Variants in ANK1 observed in about 807,000 individuals in gnomAD.
The protein encoded by ANK1 is ankyrin-1.
A neutral mutation model predicts 210.4 loss-of-function variants in ANK1; 51 were observed. The observed-to-expected ratio is 0.24, with a 90% CI of 0.19 to 0.31. The LOEUF (loss-of-function observed/expected upper bound fraction) is 0.31. ANK1 is among the 10% of genes least tolerant of loss of function. ANK1 has a pLI of 1.00. For missense variants in ANK1, 2,051 were observed against 2,504.4 expected, an observed-to-expected ratio of 0.82 and a Z score of 3.86; for synonymous variants, 967 against 1,025.9, an observed-to-expected ratio of 0.94 and a Z score of 1.10.
chr8:41,660,658 TCA>T, intron 42 of ANK1: 2 of 418,790 alleles, frequency 4.8e-6, no homozygotes, highest in Non-Finnish European at 9.5e-6. Flanking sequence ...TGCCCCATGC[TCA>T]CACACATGCA....
intron 1 of ANK1, among the ~76,000 whole-genome samples, chr8:41,802,723 A>G (rs772258138): frequency 1.5e-4 from 23 of 152,110 alleles, no homozygotes; most frequent in Middle Eastern, 3.4e-3. Context: ...CACTCGGGCA[A>G]CATGGCAAAA....
chr8:41,894,070 G>A (rs1819969751), intron 1 of ANK1, among the ~76,000 whole-genome samples: 1 of 152,000 alleles, frequency 6.6e-6, no homozygotes, highest in Admixed American at 6.6e-5. Flanking sequence ...TCTCTGAGAT[G>A]ACCCTCAAGA....
intron 42 of ANK1, among the ~76,000 whole-genome samples, chr8:41,659,704 C>A (rs1475730756): frequency 6.7e-6 from 1 of 149,422 alleles, no homozygotes; most frequent in Admixed American, 6.7e-5. Flanking sequence ...CACCGCCCCA[C>A]CCCCCTGCCA....
chr8:41,870,201 A>G (rs926183116), intron 1 of ANK1, among the ~76,000 whole-genome samples: 1 of 152,150 alleles, frequency 6.6e-6, no homozygotes, highest in African/African-American at 2.4e-5. Context: ...AGAGAACGCC[A>G]GTCTTTACCA....
intron 38 of ANK1, among the ~76,000 whole-genome samples, 185 bp downstream of exon 38, chr8:41,672,169 G>A (rs151179203): frequency 6.6e-6 from 1 of 152,344 alleles, no homozygotes; most frequent in African/African-American, 2.4e-5. Context: ...GGGAGGCACT[G>A]GCTTTTGCAG....
At chr8:41,755,628 C>T (rs1563676557) in intron 2 of ANK1, among the ~76,000 whole-genome samples, 1 of 152,204 alleles carries the variant, frequency 6.6e-6, no homozygotes, top group Non-Finnish European at 1.5e-5. Context: ...AACACAGCTG[C>T]AGCCTGTGCA....
At chr8:41,760,419 A>C (rs1840136687) in intron 1 of ANK1, among the ~76,000 whole-genome samples, 1 of 152,130 alleles carries the variant, frequency 6.6e-6, no homozygotes, top group Admixed American at 6.5e-5. Context: ...CTCTTCCTTC[A>C]TCTTCTGCCA....
At chr8:41,733,380 A>G (rs973290746) in intron 3 of ANK1, among the ~76,000 whole-genome samples, 7 of 152,268 alleles carry the variant, frequency 4.6e-5, no homozygotes, top group South Asian at 4.1e-4. Flanking sequence ...CAGTAACAAC[A>G]TGGTCACTAG....
intron 10 of ANK1, 83 bp from the exon 11 acceptor site, chr8:41,718,287 T>G: frequency 1.4e-6 from 2 of 1,391,954 alleles, no homozygotes; most frequent in Non-Finnish European, 2.0e-6. Context: ...CTGGCTGCTC[T>G]AAAAGGCAGC....
At chr8:41,894,823 T>G (rs1192078059) in intron 1 of ANK1, among the ~76,000 whole-genome samples, 1 of 151,182 alleles carries the variant, frequency 6.6e-6, no homozygotes, top group Non-Finnish European at 1.5e-5. Flanking sequence ...TCTGGTATTT[T>G]AGACCCCAGC....
intron 42 of ANK1, among the ~76,000 whole-genome samples, chr8:41,658,498 A>T (rs1171661728): frequency 6.6e-6 from 1 of 152,228 alleles, no homozygotes; most frequent in East Asian, 1.9e-4. Flanking sequence ...AGGCCATACA[A>T]CCTGGAAGCA....
At chr8:41,864,243 C>T (rs113388862) in intron 1 of ANK1, among the ~76,000 whole-genome samples, 1 of 125,398 alleles carries the variant, frequency 8.0e-6, no homozygotes, top group African/African-American at 3.2e-5. Context: ...GAGTGAGACT[C>T]TGTCTCAAAA....
rs1585952539 is a variant in ANK1 at position 41,674,202 on chromosome 8, T to C, written c.4538-1290A>G. On this transcript the variant is annotated intron_variant, in intron 37 of 42. Coordinates refer to ENST00000289734, the MANE Select transcript of ANK1 (RefSeq NM_000037.4). Reference sequence around the variant, plus strand: ...CCCTGCTTTTACATCACTAGCTCCATTTATTCTCATCCACTCACTGTTCAA... The same window carrying C: ...CCCTGCTTTTACATCACTAGCTCCACTTATTCTCATCCACTCACTGTTCAA... 2.0e-5 allele frequency among the ~76,000 whole-genome samples: 3 copies of C among 152,296 alleles called. No homozygotes were observed. The South Asian group carries it at 6.2e-4, about 32-fold the overall frequency.
At chr8:41,692,522 A>G in intron 31 of ANK1, 126 bp downstream of exon 31, 2 of 956,418 alleles carry the variant, frequency 2.1e-6, no homozygotes, top group Admixed American at 3.8e-5. Flanking sequence ...GGGGTCTCAA[A>G]GACAGACAGC....
Position 41,706,238 on chromosome 8 carries a change from C to T in ANK1, c.2002G>A (p.Gly668Arg), listed in dbSNP as rs182432615. The T allele has an allele frequency of 2.5e-6, 4 of 1,613,942 alleles. No homozygotes were observed. Among genetic ancestry groups the T allele is most frequent in the East Asian group, 2.2e-5 (1 of 44,882 alleles). Reference sequence around the variant, plus strand: ...GCTACCAGATGGAGGGGAGTGAGTCCGCTCTGCAAAGAAAAAGACGTTCAT... The same window carrying T: ...GCTACCAGATGGAGGGGAGTGAGTCTGCTCTGCAAAGAAAAAGACGTTCAT... ...QANGNLGNKS[G>R]LTPLHLVAQE... The change falls in exon 18 of 43, where the codon GGA (glycine) becomes AGA (arginine). Residue 668 changes from glycine (G) to arginine (R), a missense_variant. Transcript: ENST00000289734.
chr8:41,692,735 G>C lies in ANK1; in HGVS notation c.3771C>G (p.Arg1257=), dbSNP rs756449423. 1 of 1,614,112 alleles carries C rather than the reference G, an allele frequency of 6.2e-7. No homozygotes were observed. Among genetic ancestry groups the C allele is most frequent in the East Asian group, 2.2e-5 (1 of 44,868 alleles). The change falls in exon 31 of 43, where the codon CGC becomes CGG. Residue 1257 remains arginine, a synonymous_variant. Coordinates refer to ENST00000289734, the MANE Select transcript of ANK1 (RefSeq NM_000037.4). ...KMNDPREGRL[R]CYCMTDDKVD... ...CTTTATCATCTGTCATGCAGTAGCA[G>C]CGCAGGCGCCCCTCTCGGGGGTCAT... is the stretch of plus-strand genomic sequence containing the variant.
chr8:41,801,986 T>C (rs1046784620), upstream of ANK1, among the ~76,000 whole-genome samples: 4 of 152,176 alleles, frequency 2.6e-5, no homozygotes, highest in African/African-American at 9.7e-5. Context: ...TTTTGTTTTG[T>C]TTTGTTTTGT....
At chr8:41,662,734 C>G (rs926221880) in intron 40 of ANK1, among the ~76,000 whole-genome samples, 1 of 152,156 alleles carries the variant, frequency 6.6e-6, no homozygotes. Context: ...GGAGGCAAGA[C>G]AGACGCACAA....
At chr8:41,893,103 C>A (rs1166998664) in intron 1 of ANK1, among the ~76,000 whole-genome samples, 2 of 152,162 alleles carry the variant, frequency 1.3e-5, no homozygotes. Flanking sequence ...ACTTTTCCTC[C>A]CATCTTCCTG....
Sources: allele counts gnomAD v4.1 joint callset (sites outside exome capture counted in the v4.1 genomes callset), GRCh38; gene constraint gnomAD v4.1.1; transcripts MANE v1.5; gene names NCBI Gene and HGNC (gene_info 2026-07-23, HGNC 2026-07-21).